Variants in LARGE1 observed in about 807,000 individuals in gnomAD.
The protein encoded by LARGE1 is xylosyl- and glucuronyltransferase LARGE1.
A neutral mutation model predicts 87.6 loss-of-function variants in LARGE1; 43 were observed. The ratio of observed to expected loss-of-function variants is 0.49; its 90% CI spans 0.38 to 0.63. LARGE1 has a LOEUF of 0.63. Ranked by LOEUF, LARGE1 falls within the 30% of genes least tolerant of loss-of-function variation. The probability of loss-of-function intolerance (pLI) is 0.00; values close to 1 mark genes in which losing one functional copy is unlikely to be tolerated. For missense variants in LARGE1, 802 were observed against 1,000.2 expected (o/e 0.80, Z 2.67); for synonymous variants, 434 against 394.6 (o/e 1.10, Z -1.18).
chr22:33,849,903 C>G (rs1435510568), intron 1 of LARGE1, among the ~76,000 whole-genome samples: 5 of 152,076 alleles, frequency 3.3e-5, no homozygotes, highest in Admixed American at 3.3e-4. Flanking sequence ...GCCCGGACTC[C>G]TTTAGTTCTT....
At chr22:33,761,310 C>T in intron 2 of LARGE1, 61 bp downstream of exon 2, 3 of 1,293,212 alleles carry the variant, frequency 2.3e-6, no homozygotes, top group Non-Finnish European at 3.4e-6. Flanking sequence ...TTCTAGGGTT[C>T]TATGACAGCT....
chr22:33,338,312 T>G (rs1421468011), intron 9 of LARGE1, among the ~76,000 whole-genome samples: 1 of 152,130 alleles, frequency 6.6e-6, no homozygotes, highest in Non-Finnish European at 1.5e-5. Context: ...ACCTCCTTCC[T>G]TTAGCAGCAG....
chr22:33,548,171 C>T (rs1007228572), intron 6 of LARGE1, among the ~76,000 whole-genome samples: 1 of 152,132 alleles, frequency 6.6e-6, no homozygotes, highest in Admixed American at 6.5e-5. Context: ...ACCACCATCC[C>T]TTGGTATTCT....
chr22:33,642,710 C>CA (rs60815644), intron 3 of LARGE1, among the ~76,000 whole-genome samples: 652 of 17,332 alleles, frequency 0.038, 72 homozygotes, highest in Non-Finnish European at 0.045. Flanking sequence ...AAATGGAAAG[C>CA]AAAAAAAAAA....
intron 2 of LARGE1, among the ~76,000 whole-genome samples, chr22:33,706,015 T>C (rs989222122): frequency 1.3e-5 from 2 of 152,110 alleles, no homozygotes; most frequent in Non-Finnish European, 2.9e-5. Context: ...GGAAAACACA[T>C]CCATCAATAA....
At chr22:33,485,551 T>C (rs1049969988) in intron 6 of LARGE1, among the ~76,000 whole-genome samples, 1 of 152,190 alleles carries the variant, frequency 6.6e-6, no homozygotes, top group Admixed American at 6.5e-5. Context: ...GAAATAAAAA[T>C]ATGCAAACTA....
At chr22:33,626,420 T>C (rs749367177) in intron 3 of LARGE1, 94 bp from the exon 4 acceptor site, 19 of 942,470 alleles carry the variant, frequency 2.0e-5, no homozygotes, top group Non-Finnish European at 3.2e-5. Context: ...ATTGCCCTGA[T>C]TTCTTGTTGG....
chr22:33,904,663 G>A (rs1000963965), intron 1 of LARGE1, among the ~76,000 whole-genome samples: 2 of 152,158 alleles, frequency 1.3e-5, no homozygotes, highest in Admixed American at 6.5e-5. Context: ...CCTGCCTGAC[G>A]CTGCCCTCGG....
chr22:33,713,909 T>A (rs1394190415), intron 2 of LARGE1, among the ~76,000 whole-genome samples: 2 of 152,144 alleles, frequency 1.3e-5, no homozygotes, highest in Admixed American at 1.3e-4. Flanking sequence ...TGAGCCAGGA[T>A]GGTGCTGCTG....
intron 1 of LARGE1, among the ~76,000 whole-genome samples, chr22:33,836,271 C>G (rs2063106548): frequency 6.6e-6 from 1 of 152,292 alleles, no homozygotes; most frequent in South Asian, 2.1e-4. Flanking sequence ...AGCATGGTAG[C>G]TCCTATGTAA....
intron 11 of LARGE1, among the ~76,000 whole-genome samples, chr22:33,260,378 C>G (rs1346262297): frequency 6.6e-6 from 1 of 152,238 alleles, no homozygotes; most frequent in African/African-American, 2.4e-5. Context: ...AGAAATCCCA[C>G]TTGAAAGCTC....
intron 1 of LARGE1, among the ~76,000 whole-genome samples, chr22:33,897,476 C>G (rs577737661): frequency 3.3e-5 from 5 of 152,218 alleles, no homozygotes; most frequent in African/African-American, 7.2e-5. Context: ...GGAGAGCCAC[C>G]TAGTAAGGCT....
At chr22:33,917,441 A>T (rs1394848307) in intron 1 of LARGE1, among the ~76,000 whole-genome samples, 3 of 152,228 alleles carry the variant, frequency 2.0e-5, no homozygotes, top group Non-Finnish European at 4.4e-5. Flanking sequence ...GTGGAAGTGC[A>T]ACTACACCGT....
At chr22:33,102,083 C>T in the LARGE1 span, among the ~76,000 whole-genome samples, 1 of 152,104 alleles carries the variant, frequency 6.6e-6, no homozygotes, top group Non-Finnish European at 1.5e-5. Flanking sequence ...CTCTCATATG[C>T]CCATCCCCTT....
At chr22:33,458,090 T>A (rs554569405) in intron 6 of LARGE1, among the ~76,000 whole-genome samples, 1 of 152,122 alleles carries the variant, frequency 6.6e-6, no homozygotes, top group East Asian at 1.9e-4. Context: ...TAATAAATTT[T>A]AAAAATGTCT....
chr22:33,772,332 C>CAA (rs56766354), intron 1 of LARGE1, among the ~76,000 whole-genome samples: 42 of 148,100 alleles, frequency 2.8e-4, no homozygotes, highest in East Asian at 5.9e-4. Context: ...GACTCTGCCT[C>CAA]AAAAAAAAAA....
At chr22:33,295,795 C>T (rs1322607116) in intron 12 of LARGE1, among the ~76,000 whole-genome samples, 2 of 152,160 alleles carry the variant, frequency 1.3e-5, no homozygotes, top group Admixed American at 1.3e-4. Context: ...GTAGAATACA[C>T]ACATAATACA....
intron 1 of LARGE1, among the ~76,000 whole-genome samples, chr22:33,800,982 C>T (rs1382011468): frequency 6.6e-6 from 1 of 152,122 alleles, no homozygotes; most frequent in African/African-American, 2.4e-5. Context: ...CCCAGAATTC[C>T]CATGTGTTGT....
Position 33,283,322 on chromosome 22 carries a change from G to A in LARGE1, c.1757C>T (p.Ala586Val). Reference protein sequence around the residue: ...LRKSVIQLDLANTKKAMIVPA... With the variant: ...LRKSVIQLDLVNTKKAMIVPA... ...GACAATCATTGCTTTCTTGGTGTTG[G>A]CAAGATCGAGCTGGATGACAGACTT... The change falls in exon 13 of 15, where the codon GCC becomes GTC. Residue 586 changes from alanine (A) to valine (V), a missense_variant. Physicochemically the swap from Ala to Val is moderately conservative, Grantham distance 64 (BLOSUM62 0). Coordinates refer to ENST00000397394, the MANE Select transcript of LARGE1 (RefSeq NM_133642.5). The A allele has an allele frequency of 6.2e-7, 1 of 1,614,164 alleles. No homozygotes were observed. Among genetic ancestry groups the A allele is most frequent in the Middle Eastern group, 1.6e-4 (1 of 6,062 alleles).
Sources: allele counts gnomAD v4.1 joint callset (sites outside exome capture counted in the v4.1 genomes callset), GRCh38; gene constraint gnomAD v4.1.1; transcripts MANE v1.5; gene names NCBI Gene and HGNC (gene_info 2026-07-23, HGNC 2026-07-21).